Variants in GFRAL observed in about 807,000 individuals in gnomAD.
GFRAL encodes GDNF family receptor alpha-like.
Under a neutral mutation model 45.4 loss-of-function variants are expected in GFRAL, and 36 were observed. That is an observed-to-expected ratio of 0.79 (90% CI 0.61 to 1.05). The LOEUF (loss-of-function observed/expected upper bound fraction) is 1.05, where lower values mean the gene tolerates loss of function less well. Ranked by LOEUF, GFRAL falls within the 50% of genes least tolerant of loss-of-function variation. The probability of loss-of-function intolerance (pLI) is 0.00; values close to 1 mark genes in which losing one functional copy is unlikely to be tolerated. For missense variants in GFRAL, 507 were observed against 467.5 expected (o/e 1.08, Z -0.78); for synonymous variants, 166 against 154.1 (o/e 1.08, Z -0.57).
At chr6:55,358,655 CAACTT>C (rs1244117843) in intron 5 of GFRAL, among the ~76,000 whole-genome samples, 2 of 151,962 alleles carry the variant, frequency 1.3e-5, no homozygotes, top group Admixed American at 6.6e-5. Context: ...GTGGAATCCT[CAACTT>C]AACTGCTGTC....
chr6:55,388,868 A>G lies in GFRAL; in HGVS notation c.953-10312A>G, dbSNP rs115402384. On this transcript the variant is annotated intron_variant, in intron 6 of 8. Coordinates refer to ENST00000340465, the MANE Select transcript of GFRAL (RefSeq NM_207410.2). ...TTCTCTACCAGCTTATTTTTAAAGGAGTTTTCGTAAGAAACATAACTCCCC... is the reference window on the plus strand; with the variant it reads ...TTCTCTACCAGCTTATTTTTAAAGGGGTTTTCGTAAGAAACATAACTCCCC... 5.5e-3 allele frequency among the ~76,000 whole-genome samples: 837 copies of G among 152,176 alleles called. 6 individuals carry two copies. The highest frequency in any genetic ancestry group is 0.018 in the African/African-American group (768 of 41,514).
intron 6 of GFRAL, among the ~76,000 whole-genome samples, chr6:55,362,915 G>A (rs1465316114): frequency 6.6e-6 from 1 of 150,728 alleles, no homozygotes; most frequent in African/African-American, 2.4e-5. Context: ...AAAACAGGAA[G>A]GAAGAGTAGG....
intron 6 of GFRAL, among the ~76,000 whole-genome samples, chr6:55,393,818 TATTTA>T (rs1170069999): frequency 6.6e-6 from 1 of 152,164 alleles, no homozygotes; most frequent in Non-Finnish European, 1.5e-5. Context: ...AGTGAGAGGC[TATTTA>T]AAGATTTGAA....
At chr6:55,344,098 C>T (rs934422893) in intron 3 of GFRAL, among the ~76,000 whole-genome samples, 1 of 152,138 alleles carries the variant, frequency 6.6e-6, no homozygotes, top group African/African-American at 2.4e-5. Flanking sequence ...CAGTTGAATT[C>T]TAGCAGAAAT....
chr6:55,373,182 T>C (rs976929253), intron 6 of GFRAL, among the ~76,000 whole-genome samples: 1 of 152,102 alleles, frequency 6.6e-6, no homozygotes, highest in African/African-American at 2.4e-5. Context: ...GCAGCCTCTC[T>C]GGCAGTGTGG....
chr6:55,402,440 A>G lies in GFRAL; in HGVS notation c.*587A>G, dbSNP rs529364852. 1 of 152,180 alleles carries G rather than the reference A, an allele frequency of 6.6e-6. No homozygotes were observed. The highest frequency in any genetic ancestry group is 2.1e-4 in the South Asian group (1 of 4,820). 9.4% of individuals were successfully genotyped at this position (152,180 alleles called of 1,614,324 possible). A position where few individuals can be genotyped will look rare whatever the true frequency, so the allele number is the denominator to read the frequency against. On this transcript the variant is annotated 3_prime_UTR_variant, in exon 9 of 9. Coordinates refer to ENST00000340465, the MANE Select transcript of GFRAL (RefSeq NM_207410.2). ...TTTTTCTTAATACTCAAGAAAAAAT[A>G]TATGGTGGTATCTTTTACAACACTG...
chr6:55,327,671 T>A (rs973961873), intron 1 of GFRAL, 95 bp downstream of exon 1: 1 of 1,117,890 alleles, frequency 8.9e-7, no homozygotes, highest in Non-Finnish European at 1.3e-6. Flanking sequence ...CAGGGGCTTA[T>A]AATATGAAGT....
chr6:55,393,741 T>C (rs1024193750), intron 6 of GFRAL, among the ~76,000 whole-genome samples: 1 of 152,054 alleles, frequency 6.6e-6, no homozygotes, highest in African/African-American at 2.4e-5. Context: ...ACCAAAGAGA[T>C]TGCTAGAGTT....
intron 3 of GFRAL, among the ~76,000 whole-genome samples, chr6:55,343,173 A>C (rs981178965): frequency 6.6e-6 from 1 of 152,188 alleles, no homozygotes; most frequent in Non-Finnish European, 1.5e-5. Context: ...TGCACCAAGC[A>C]GACCTAATAG....
At chr6:55,369,888 C>T (rs1768427729) in intron 6 of GFRAL, among the ~76,000 whole-genome samples, 1 of 151,954 alleles carries the variant, frequency 6.6e-6, no homozygotes, top group South Asian at 2.1e-4. Flanking sequence ...CTTTTGTTGC[C>T]TGTGTCAGCT....
chr6:55,342,138 G>A (rs1348926708), intron 3 of GFRAL, among the ~76,000 whole-genome samples: 3 of 152,162 alleles, frequency 2.0e-5, no homozygotes, highest in Admixed American at 2.0e-4. Context: ...AATCTAGCAA[G>A]GCAGACCAAC....
intron 1 of GFRAL, among the ~76,000 whole-genome samples, chr6:55,328,202 T>C (rs1767789283): frequency 6.6e-6 from 1 of 151,900 alleles, no homozygotes; most frequent in Admixed American, 6.6e-5. Flanking sequence ...TGAAAAATAA[T>C]TTATTTTTAT....
chr6:55,343,983 C>T (rs1375303719), intron 3 of GFRAL, among the ~76,000 whole-genome samples: 2 of 151,920 alleles, frequency 1.3e-5, no homozygotes, highest in East Asian at 3.9e-4. Flanking sequence ...AAGACTAAAC[C>T]AGGAAAAAGT....
At chr6:55,381,978 A>C (rs1030946169) in intron 6 of GFRAL, among the ~76,000 whole-genome samples, 11 of 151,936 alleles carry the variant, frequency 7.2e-5, no homozygotes, top group Non-Finnish European at 4.4e-5. Flanking sequence ...AAATCACTTC[A>C]TCTAGCCAAA....
At chr6:55,341,867 A>G (rs12198082) in intron 3 of GFRAL, among the ~76,000 whole-genome samples, 11,627 of 152,248 alleles carry the variant, frequency 0.076, 455 homozygotes, top group South Asian at 0.18. Context: ...CGAGAACTAC[A>G]TGATGAATGC....
At chr6:55,361,717 G>C (rs1768277983) in intron 6 of GFRAL, among the ~76,000 whole-genome samples, 1 of 151,842 alleles carries the variant, frequency 6.6e-6, no homozygotes, top group Non-Finnish European at 1.5e-5. Flanking sequence ...AGTAGCACAA[G>C]GACATTTGCT....
At chr6:55,390,367 GC>G (rs1768732619) in intron 6 of GFRAL, among the ~76,000 whole-genome samples, 1 of 152,194 alleles carries the variant, frequency 6.6e-6, no homozygotes, top group East Asian at 1.9e-4. Context: ...TCTAGGTCAT[GC>G]CACATGTAGG....
At chr6:55,374,779 C>T (rs1768501625) in intron 6 of GFRAL, among the ~76,000 whole-genome samples, 2 of 152,042 alleles carry the variant, frequency 1.3e-5, no homozygotes, top group Admixed American at 6.6e-5. Context: ...TGTCTTTAAG[C>T]CATCTTGAGT....
In GFRAL at chr6:55,399,381, A is replaced by G. The variant is rs1450053952; in HGVS notation, c.1061A>G (p.Tyr354Cys). 1 of 1,610,440 alleles carries G rather than the reference A, an allele frequency of 6.2e-7. No individual in the cohort carries two copies. The highest frequency in any genetic ancestry group is 8.5e-7 in the Non-Finnish European group (1 of 1,177,006). The change falls in exon 8 of 9, where the codon TAT becomes TGT. Residue 354 changes from tyrosine to cysteine, a missense_variant. Tyr to Cys is a radical substitution (Grantham distance 194). Transcript: ENST00000340465. ...FHSPFNGEVIYAAMCMTVTCG... is the reference protein window; with the variant it reads ...FHSPFNGEVICAAMCMTVTCG... Reference sequence around the variant, plus strand: ...TTTCTTTTTCTAGGAGAAGTAATCTATGCTGCCATGTGCATGACAGTCACC... The same window carrying G: ...TTTCTTTTTCTAGGAGAAGTAATCTGTGCTGCCATGTGCATGACAGTCACC...
Sources: allele counts gnomAD v4.1 joint callset (sites outside exome capture counted in the v4.1 genomes callset), GRCh38; gene constraint gnomAD v4.1.1; transcripts MANE v1.5; gene names NCBI Gene and HGNC (gene_info 2026-07-23, HGNC 2026-07-21).